Variants in FCHSD2 observed in about 807,000 individuals in gnomAD.
FCHSD2 encodes the protein FCH and double SH3 domains 2.
In FCHSD2, 38 loss-of-function variants were observed where a neutral mutation model predicts 108.1. The ratio of observed to expected loss-of-function variants is 0.35; its 90% confidence interval spans 0.27 to 0.46. FCHSD2 has a LOEUF of 0.46. Among genes scored for constraint, FCHSD2 ranks in the 20% least tolerant of loss-of-function variants. The pLI is 1.00. For synonymous variants in FCHSD2, 279 were observed against 314.7 expected (o/e 0.89, Z 1.20); for missense variants, 751 against 897.8 (o/e 0.84, Z 2.09).
At chr11:73,040,058 T>G (rs554091199) in intron 3 of FCHSD2, among the ~76,000 whole-genome samples, 21 of 152,350 alleles carry the variant, frequency 1.4e-4, no homozygotes, top group African/African-American at 4.8e-4. Context: ...TCCTAAATAA[T>G]AGTTTCATAT....
chr11:73,076,849 G>A (rs1171755997), intron 3 of FCHSD2, among the ~76,000 whole-genome samples: 2 of 152,092 alleles, frequency 1.3e-5, no homozygotes, highest in Non-Finnish European at 1.5e-5. Context: ...AGTGCCTCAC[G>A]CCTGTAATCC....
intron 2 of FCHSD2, among the ~76,000 whole-genome samples, chr11:73,119,998 C>A (rs1056263854): frequency 6.6e-6 from 1 of 152,078 alleles, no homozygotes; most frequent in Non-Finnish European, 1.5e-5. Context: ...AGGAGCAAGT[C>A]CCCTCTTACA....
At chr11:72,999,683 G>C (rs1857586984) in intron 5 of FCHSD2, among the ~76,000 whole-genome samples, 1 of 152,142 alleles carries the variant, frequency 6.6e-6, no homozygotes. Context: ...TTCATCAATG[G>C]AAGAGAAAAG....
intron 2 of FCHSD2, among the ~76,000 whole-genome samples, chr11:73,124,280 G>A (rs1860802871): frequency 6.6e-6 from 1 of 152,120 alleles, no homozygotes; most frequent in South Asian, 2.1e-4. Flanking sequence ...GGACGGGGAA[G>A]GGATAACATT....
intron 9 of FCHSD2, among the ~76,000 whole-genome samples, chr11:72,917,097 G>A (rs1048626436): frequency 6.6e-6 from 1 of 150,810 alleles, no homozygotes; most frequent in African/African-American, 2.4e-5. Flanking sequence ...CGATTCTCCT[G>A]CCTCAGCCTC....
chr11:73,013,521 T>C (rs1025859893), intron 4 of FCHSD2, among the ~76,000 whole-genome samples: 2 of 152,224 alleles, frequency 1.3e-5, no homozygotes, highest in Non-Finnish European at 2.9e-5. Flanking sequence ...GTATTTCATA[T>C]GTATCCTATG....
chr11:72,929,174 T>A (rs943499294), intron 8 of FCHSD2, among the ~76,000 whole-genome samples: 157 of 152,340 alleles, frequency 1.0e-3, no homozygotes, highest in African/African-American at 3.7e-3. Flanking sequence ...ATAATGCCGC[T>A]ATAAACATAC....
chr11:72,957,608 G>A (rs1389807344), intron 8 of FCHSD2, among the ~76,000 whole-genome samples: 1 of 151,216 alleles, frequency 6.6e-6, no homozygotes, highest in African/African-American at 2.4e-5. Flanking sequence ...GATATTTTTG[G>A]AACATCTCGT....
intron 3 of FCHSD2, among the ~76,000 whole-genome samples, chr11:73,068,567 C>T (rs1859351838): frequency 6.6e-6 from 1 of 151,716 alleles, no homozygotes; most frequent in Non-Finnish European, 1.5e-5. Flanking sequence ...AATTAGATTC[C>T]TTTATATATT....
chr11:72,951,395 G>A (rs1437837851), intron 8 of FCHSD2, among the ~76,000 whole-genome samples: 1 of 152,184 alleles, frequency 6.6e-6, no homozygotes, highest in Non-Finnish European at 1.5e-5. Flanking sequence ...TGATAACACA[G>A]CAAACGAGAG....
intron 8 of FCHSD2, among the ~76,000 whole-genome samples, chr11:72,959,150 T>C (rs183089634): frequency 1.1e-4 from 16 of 150,844 alleles, no homozygotes; most frequent in African/African-American, 3.6e-4. Flanking sequence ...CAATACTCTT[T>C]ACCCATTTTA....
intron 4 of FCHSD2, among the ~76,000 whole-genome samples, chr11:73,004,249 G>A (rs1456294160): frequency 6.6e-6 from 1 of 151,812 alleles, no homozygotes; most frequent in Non-Finnish European, 1.5e-5. Context: ...CTGTAAGATA[G>A]GTATTATTCC....
At chr11:72,940,917 A>G in intron 8 of FCHSD2, 1 of 840,356 alleles carries the variant, frequency 1.2e-6, no homozygotes, top group Non-Finnish European at 2.0e-6. Context: ...CATTCCATAA[A>G]GCTATCAGAA....
chr11:73,007,633 GA>G (rs1250473632), intron 4 of FCHSD2, among the ~76,000 whole-genome samples: 1 of 151,894 alleles, frequency 6.6e-6, no homozygotes, highest in Non-Finnish European at 1.5e-5. Flanking sequence ...AAAAAGGGGG[GA>G]AAAAGAGAAA....
At chr11:72,998,242 G>A (rs1344012437) in intron 5 of FCHSD2, among the ~76,000 whole-genome samples, 2 of 152,126 alleles carry the variant, frequency 1.3e-5, no homozygotes, top group Admixed American at 6.5e-5. Flanking sequence ...AAGGTAGATT[G>A]TAGTAAGTTA....
chr11:72,956,206 A>G (rs1308237549), intron 8 of FCHSD2, among the ~76,000 whole-genome samples: 1 of 152,222 alleles, frequency 6.6e-6, no homozygotes, highest in African/African-American at 2.4e-5. Flanking sequence ...ACATAATGAT[A>G]TAAATAAATA....
rs671766 is a variant in FCHSD2, at chr11:72,972,713, A to G, written c.705+11375T>C. 3.1e-3 allele frequency among the ~76,000 whole-genome samples: 475 copies of G among 152,356 alleles called. 1 individual carries two copies. Among genetic ancestry groups the G allele is most frequent in the African/African-American group, 0.011 (455 of 41,582 alleles). On this transcript the variant is annotated intron_variant, in intron 8 of 19. Transcript: ENST00000409418. The stretch of plus-strand genomic sequence containing the variant: ...TCATAAAATAACCAATGTAGCAGGG[A>G]AAGAATCTATTACCCCATATTCCAT...
chr11:72,882,765 G>A (rs1855116600), intron 12 of FCHSD2, among the ~76,000 whole-genome samples: 1 of 152,172 alleles, frequency 6.6e-6, no homozygotes, highest in South Asian at 2.1e-4. Context: ...ACTCAATATT[G>A]TTGAGAAGTC....
chr11:73,062,501 G>T (rs1225513581), intron 3 of FCHSD2, among the ~76,000 whole-genome samples: 3 of 152,132 alleles, frequency 2.0e-5, no homozygotes, highest in Non-Finnish European at 4.4e-5. Flanking sequence ...CAAGCTAAAG[G>T]AGCATGTTCT....
Sources: gnomAD v4.1 joint callset for allele counts (sites outside exome capture counted in the v4.1 genomes callset) on GRCh38, gnomAD v4.1.1 for gene constraint, MANE v1.5 for transcripts, NCBI Gene and HGNC (gene_info 2026-07-23, HGNC 2026-07-21) for gene names.